The following NAALADL2 variants were observed in gnomAD, a reference collection of about 807,000 sequenced individuals.
NAALADL2 encodes the protein inactive N-acetylated-alpha-linked acidic dipeptidase-like protein 2.
A neutral mutation model predicts 87.2 loss-of-function variants in NAALADL2; 76 were observed. That is an observed-to-expected ratio of 0.87 (90% CI 0.72 to 1.05). NAALADL2 has a LOEUF of 1.05. NAALADL2 is among the 50% of genes least tolerant of loss of function. The pLI, the probability that NAALADL2 is intolerant of heterozygous loss-of-function variation, is 0.00. For missense variants in NAALADL2, 1,089 were observed against 945.8 expected (o/e 1.15, Z -1.99); for synonymous variants, 354 against 331.0 (o/e 1.07, Z -0.75).
chr3:174,789,286 C>T (rs985346577), intron 3 of NAALADL2, among the ~76,000 whole-genome samples: 2 of 152,152 alleles, frequency 1.3e-5, no homozygotes, highest in African/African-American at 4.8e-5. Context: ...ATTTCATTTA[C>T]TTTCCCTGCA....
intron 9 of NAALADL2, among the ~76,000 whole-genome samples, chr3:175,573,459 T>C (rs1718388789): frequency 6.6e-6 from 1 of 152,208 alleles, no homozygotes; most frequent in East Asian, 1.9e-4. Context: ...TCTGGCCCTA[T>C]TCAGTAAATC....
intron 1 of NAALADL2, among the ~76,000 whole-genome samples, chr3:175,066,346 G>A (rs1438263089): frequency 6.6e-6 from 1 of 152,030 alleles, no homozygotes; most frequent in Non-Finnish European, 1.5e-5. Flanking sequence ...GTGCTCCTGG[G>A]CCTCCATATC....
intron 3 of NAALADL2, among the ~76,000 whole-genome samples, chr3:175,242,086 T>C (rs1160620259): frequency 6.6e-6 from 1 of 151,800 alleles, no homozygotes; most frequent in Non-Finnish European, 1.5e-5. Flanking sequence ...GGTCTTGAAC[T>C]CCTGACCTCG....
In NAALADL2 at chr3:174,486,828, C is replaced by A. The variant is rs1407102661; in HGVS notation, c.-184+45796C>A. Among the ~76,000 whole-genome samples, 3 of 151,864 alleles carry A rather than the reference C, an allele frequency of 2.0e-5. No homozygotes were observed. The South Asian group carries it at 6.2e-4, about 31-fold the overall frequency. The stretch of plus-strand genomic sequence containing the variant: ...TTGTGGTGGACATTAGATGTTCTGT[C>A]CATATAATACTCCTTCTCTCATTTT... On this transcript the variant is annotated intron_variant, in intron 1 of 3. Transcript: ENST00000434257.
intron 5 of NAALADL2, among the ~76,000 whole-genome samples, chr3:175,390,556 C>T (rs544831799): frequency 1.9e-4 from 29 of 151,898 alleles, no homozygotes; most frequent in Non-Finnish European, 4.0e-4. Flanking sequence ...TTTTGAGCTT[C>T]GGGATGAGAG....
chr3:174,606,085 T>C (rs1719023106), intron 2 of NAALADL2, among the ~76,000 whole-genome samples: 2 of 152,016 alleles, frequency 1.3e-5, no homozygotes, highest in South Asian at 4.2e-4. Flanking sequence ...TCTAGCAAAC[T>C]CCAACAGACC....
At chr3:175,739,607 C>A (rs1374171765) in intron 12 of NAALADL2, among the ~76,000 whole-genome samples, 2 of 152,044 alleles carry the variant, frequency 1.3e-5, no homozygotes, top group East Asian at 3.9e-4. Flanking sequence ...GCATGTAATC[C>A]CCATGGACTT....
intron 1 of NAALADL2, among the ~76,000 whole-genome samples, chr3:174,889,434 A>G (rs533698762): frequency 2.0e-5 from 3 of 152,208 alleles, no homozygotes; most frequent in South Asian, 2.1e-4. Context: ...ATGTGATTCT[A>G]CCACCTGCCT....
intron 11 of NAALADL2, among the ~76,000 whole-genome samples, chr3:175,660,036 A>G (rs563633800): frequency 7.2e-4 from 109 of 152,264 alleles, no homozygotes; most frequent in African/African-American, 2.6e-3. Flanking sequence ...TGTGGGATAA[A>G]TATTTGATCA....
chr3:175,426,060 T>C (rs112705956), intron 5 of NAALADL2, among the ~76,000 whole-genome samples: 3 of 152,244 alleles, frequency 2.0e-5, no homozygotes, highest in South Asian at 2.1e-4. Context: ...GTGAAAAATA[T>C]TGTGGATCAG....
At chr3:175,697,400 GACACACACACAC>G (rs57471272) in intron 11 of NAALADL2, among the ~76,000 whole-genome samples, 51 of 145,342 alleles carry the variant, frequency 3.5e-4, no homozygotes, top group African/African-American at 1.2e-3. Flanking sequence ...GCTGCACACA[GACACACACACAC>G]ACACACACAC....
chr3:175,710,271 C>T (rs1460743081), intron 11 of NAALADL2, among the ~76,000 whole-genome samples: 1 of 151,936 alleles, frequency 6.6e-6, no homozygotes, highest in Non-Finnish European at 1.5e-5. Flanking sequence ...TGGTATGTAC[C>T]TGTAGGCTAG....
intron 1 of NAALADL2, among the ~76,000 whole-genome samples, chr3:175,092,220 A>C (rs186455531): frequency 1.1e-4 from 16 of 152,012 alleles, no homozygotes; most frequent in Admixed American, 8.5e-4. Context: ...AAGCATAAGT[A>C]TTATGCATAA....
intron 1 of NAALADL2, among the ~76,000 whole-genome samples, chr3:175,052,280 C>T (rs571352566): frequency 2.6e-5 from 4 of 152,330 alleles, no homozygotes; most frequent in South Asian, 2.1e-4. Flanking sequence ...AGTAAACTCA[C>T]AACCTTCCAG....
chr3:175,620,211 C>CTCTA (rs1726013345), intron 10 of NAALADL2, among the ~76,000 whole-genome samples: 2 of 152,180 alleles, frequency 1.3e-5, no homozygotes, highest in African/African-American at 4.8e-5. Context: ...CTGCTGCAAC[C>CTCTA]TCTACCTGGG....
intron 11 of NAALADL2, among the ~76,000 whole-genome samples, chr3:175,630,623 G>C (rs932980225): frequency 1.3e-5 from 2 of 151,664 alleles, no homozygotes; most frequent in African/African-American, 4.8e-5. Flanking sequence ...CACTAAGTTA[G>C]TGTGTACAAA....
At chr3:175,670,756 C>T (rs1733893198) in intron 11 of NAALADL2, among the ~76,000 whole-genome samples, 1 of 150,858 alleles carries the variant, frequency 6.6e-6, no homozygotes, top group Admixed American at 6.6e-5. Flanking sequence ...ACAAAATTAT[C>T]CAACGTTTTG....
At chr3:175,445,057 G>A (rs555611539) in intron 5 of NAALADL2, among the ~76,000 whole-genome samples, 6 of 152,262 alleles carry the variant, frequency 3.9e-5, no homozygotes, top group Admixed American at 3.3e-4. Context: ...GAGAAAAACC[G>A]TTAGCACTTA....
At chr3:175,489,089 T>C (rs866235261) in intron 9 of NAALADL2, among the ~76,000 whole-genome samples, 8 of 152,304 alleles carry the variant, frequency 5.3e-5, no homozygotes, top group African/African-American at 1.9e-4. Context: ...GTGATTGCTT[T>C]TGTGGATAAG....
Sources: allele counts gnomAD v4.1 joint callset (sites outside exome capture counted in the v4.1 genomes callset), GRCh38; gene constraint gnomAD v4.1.1; transcripts MANE v1.5; gene names NCBI Gene and HGNC (gene_info 2026-07-23, HGNC 2026-07-21).